The following VPS13B variants were observed in gnomAD, a reference collection of about 807,000 sequenced individuals.
VPS13B encodes the protein intermembrane lipid transfer protein VPS13B.
Under a neutral mutation model 426.4 loss-of-function variants are expected in VPS13B, and 285 were observed. The observed-to-expected ratio is 0.67, with a 90% CI of 0.61 to 0.74. The LOEUF (loss-of-function observed/expected upper bound fraction) is 0.74, where lower values mean the gene tolerates loss of function less well. Ranked by LOEUF, VPS13B falls within the 30% of genes least tolerant of loss-of-function variation. The pLI is 0.00. For synonymous variants in VPS13B, 1,676 were observed against 1,676.4 expected, an observed-to-expected ratio of 1.00 and a Z score of 0.01; for missense variants, 4,537 against 4,782.6, an observed-to-expected ratio of 0.95 and a Z score of 1.51.
At chr8:99,150,618 A>G (rs989224082) in intron 14 of VPS13B, among the ~76,000 whole-genome samples, 3 of 152,238 alleles carry the variant, frequency 2.0e-5, no homozygotes, top group South Asian at 2.1e-4. Flanking sequence ...AGACTGTCAT[A>G]TAGTTGGAAT....
At chr8:99,286,806 G>A (rs1819466678) in intron 19 of VPS13B, among the ~76,000 whole-genome samples, 2 of 152,090 alleles carry the variant, frequency 1.3e-5, no homozygotes, top group Non-Finnish European at 2.9e-5. Context: ...AGGCAGATCA[G>A]AAATAATTTT....
intron 5 of VPS13B, among the ~76,000 whole-genome samples, chr8:99,106,952 A>G (rs1290857229): frequency 1.3e-5 from 2 of 152,156 alleles, no homozygotes; most frequent in East Asian, 1.9e-4. Context: ...AATTATGTCC[A>G]GTTTTGGCTA....
chr8:99,027,896 G>A (rs902623265), intron 2 of VPS13B, among the ~76,000 whole-genome samples: 2 of 152,026 alleles, frequency 1.3e-5, no homozygotes, highest in South Asian at 2.1e-4. Flanking sequence ...GCGGCCTTCC[G>A]CAGTGTTTGT....
chr8:99,163,534 G>C (rs1315507924), intron 15 of VPS13B, among the ~76,000 whole-genome samples: 1 of 152,240 alleles, frequency 6.6e-6, no homozygotes, highest in Non-Finnish European at 1.5e-5. Context: ...CAGGTCCCGA[G>C]CCCTGCCCCG....
At chr8:99,107,387 A>G (rs1847105574) in intron 5 of VPS13B, among the ~76,000 whole-genome samples, 1 of 152,242 alleles carries the variant, frequency 6.6e-6, no homozygotes, top group Non-Finnish European at 1.5e-5. Context: ...ACCAATAAAC[A>G]TAAGATGTTC....
chr8:99,803,077 C>T (rs1298393012), intron 43 of VPS13B, among the ~76,000 whole-genome samples: 1 of 152,138 alleles, frequency 6.6e-6, no homozygotes, highest in Non-Finnish European at 1.5e-5. Flanking sequence ...ATTAAAATAG[C>T]ACTGGGATAA....
At position 99,556,648 on chromosome 8, in the gene VPS13B, C is replaced by T; in HGVS notation, c.4944C>T (p.Ala1648=). ...SQNPALEWNM[A]SSIRRHQERR... ...ATCCAGCCCTTGAGTGGAATATGGC[C>T]AGCAGGTAGGAAATGATTGAGAAAC... Residue 1648 remains alanine, a synonymous_variant, in exon 31 of 62, where the codon GCC becomes GCT. Coordinates refer to ENST00000357162, the MANE Select transcript of VPS13B (RefSeq NM_152564.5). 1 of 1,612,702 alleles carries T rather than the reference C, an allele frequency of 6.2e-7. No individual in the cohort carries two copies. Among genetic ancestry groups the T allele is most frequent in the South Asian group, 1.1e-5 (1 of 90,998 alleles).
At chr8:99,094,916 C>T (rs915890601) in intron 3 of VPS13B, among the ~76,000 whole-genome samples, 25 of 152,296 alleles carry the variant, frequency 1.6e-4, no homozygotes, top group African/African-American at 6.0e-4. Flanking sequence ...TATCTTTGAT[C>T]TCTCACTCCA....
intron 33 of VPS13B, among the ~76,000 whole-genome samples, chr8:99,640,074 A>G (rs531939514): frequency 0.077 from 10,404 of 134,970 alleles, 645 homozygotes; most frequent in Non-Finnish European, 0.11. Flanking sequence ...AAGAAAAGAA[A>G]AGAAAAGAAA....
intron 3 of VPS13B, among the ~76,000 whole-genome samples, chr8:99,044,853 T>TACACACACACACACACACAC (rs60056711): frequency 3.6e-5 from 5 of 139,888 alleles, no homozygotes; most frequent in African/African-American, 1.4e-4. Context: ...TTCCATTTTA[T>TACACACACACACACACACAC]ACACACACAC....
At chr8:99,506,329 A>G (rs1821499573) in intron 27 of VPS13B, among the ~76,000 whole-genome samples, 1 of 152,214 alleles carries the variant, frequency 6.6e-6, no homozygotes, top group African/African-American at 2.4e-5. Flanking sequence ...TTCCTTTGAA[A>G]TGGTATGTGT....
chr8:99,529,563 T>A, intron 30 of VPS13B, among the ~76,000 whole-genome samples: 1 of 152,198 alleles, frequency 6.6e-6, no homozygotes, highest in Non-Finnish European at 1.5e-5. Flanking sequence ...TTATTATACA[T>A]TATAAAATGT....
Position 99,136,733 on chromosome 8 carries a change from G to T in VPS13B, c.1632G>T (p.Met544Ile), listed in dbSNP as rs1179594703. 1 of 1,613,430 alleles carries T rather than the reference G, an allele frequency of 6.2e-7. No homozygotes were observed. The highest frequency in any genetic ancestry group is 1.3e-5 in the African/African-American group (1 of 74,904). The part of the protein sequence containing the change: ...GAFYMDYLYT[M>I]ENTSGKGSTN... ...TTTATATGGATTACCTGTATACAAT[G>T]GAGAACACTAGTGGCAAAGGTATTG... The change falls in exon 12 of 62, where the codon ATG becomes ATT. Residue 544 changes from methionine (M) to isoleucine (I), a missense_variant. By Grantham distance (10) the Met-to-Ile change is conservative (BLOSUM62 1). Transcript: ENST00000357162.
At position 99,121,554 on chromosome 8, in the gene VPS13B, G is replaced by A. The variant is rs200341397; in HGVS notation, c.1206+109G>A. 3.3e-6 allele frequency: 5 copies of A among 1,537,926 alleles called. No individual in the cohort carries two copies. The East Asian group carries it at 9.0e-5, about 28-fold the overall frequency. ...AGTTTGCTTTGCATTCAGTAGATGTGAGATAGAGTCTAACAGTTCTTACTT... is the reference window on the plus strand; with the variant it reads ...AGTTTGCTTTGCATTCAGTAGATGTAAGATAGAGTCTAACAGTTCTTACTT... On this transcript the variant is annotated intron_variant, in intron 8 of 61. Coordinates refer to ENST00000357162, the MANE Select transcript of VPS13B (RefSeq NM_152564.5).
At chr8:99,292,545 A>G (rs1033239931) in intron 19 of VPS13B, among the ~76,000 whole-genome samples, 3 of 152,126 alleles carry the variant, frequency 2.0e-5, no homozygotes, top group African/African-American at 7.2e-5. Flanking sequence ...TAGTCGCTGA[A>G]GTAAGCCTCT....
In VPS13B at chr8:99,832,341, A is replaced by ATTTTTTTTTTTTTT. The variant is rs370235149; in HGVS notation, c.9331-16_9331-3dup. 6.3e-5 allele frequency: 75 copies of ATTTTTTTTTTTTTT among 1,195,342 alleles called. 1 individual carries two copies. The highest frequency in any genetic ancestry group is 6.3e-4 in the Middle Eastern group (2 of 3,190). The allele number at this position is 1,195,342 out of a possible 1,614,324, so 74.0% of individuals were successfully genotyped here. A position where few individuals can be genotyped will look rare whatever the true frequency, so the allele number is the denominator to read the frequency against. On this transcript the variant is annotated intron_variant, in intron 51 of 61. Coordinates refer to ENST00000357162, the MANE Select transcript of VPS13B (RefSeq NM_152564.5). ...TTACTGTAGCTAATGTGCTCTCTGC[A>ATTTTTTTTTTTTTT]TTTTTTTTTTTTTTTTTTTTTTTTT...
chr8:99,621,795 TG>T (rs1331019157), intron 33 of VPS13B, among the ~76,000 whole-genome samples: 2 of 151,546 alleles, frequency 1.3e-5, no homozygotes, highest in Non-Finnish European at 2.9e-5. Context: ...TTCCTTTTTT[TG>T]TTTGTTTGTT....
chr8:99,526,576 A>C (rs1476670029), intron 30 of VPS13B, among the ~76,000 whole-genome samples: 1 of 152,172 alleles, frequency 6.6e-6, no homozygotes, highest in Non-Finnish European at 1.5e-5. Context: ...ATACAAAGAT[A>C]ATTCAGTTAT....
intron 50 of VPS13B, among the ~76,000 whole-genome samples, chr8:99,823,088 T>G (rs187021440): frequency 2.7e-4 from 41 of 152,292 alleles, no homozygotes; most frequent in Admixed American, 6.5e-4. Flanking sequence ...GTTCCTTACA[T>G]AACATGATAA....
Sources: allele counts gnomAD v4.1 joint callset (sites outside exome capture counted in the v4.1 genomes callset), GRCh38; gene constraint gnomAD v4.1.1; transcripts MANE v1.5; gene names NCBI Gene and HGNC (gene_info 2026-07-23, HGNC 2026-07-21).